The following FHIT variants were observed in gnomAD, a reference collection of about 807,000 sequenced individuals.
The protein encoded by FHIT is fragile histidine triad diadenosine triphosphatase, also known as bis(5'-adenosyl)-triphosphatase.
In FHIT, 19 loss-of-function variants were observed where a neutral mutation model predicts 17.9. That is an observed-to-expected ratio of 1.06 (90% CI 0.74 to 1.56). FHIT has a LOEUF of 1.56. Among genes scored for constraint, FHIT ranks in the 40% most tolerant of loss-of-function variants. The probability of loss-of-function intolerance (pLI) is 0.00; values close to 1 mark genes in which losing one functional copy is unlikely to be tolerated. For synonymous variants in FHIT, 81 were observed against 69.7 expected, an observed-to-expected ratio of 1.16 and a Z score of -0.81; for missense variants, 248 against 189.2, an observed-to-expected ratio of 1.31 and a Z score of -1.82.
At chr3:60,018,663 C>G (rs1335448702) in intron 5 of FHIT, among the ~76,000 whole-genome samples, 3 of 152,094 alleles carry the variant, frequency 2.0e-5, no homozygotes, top group African/African-American at 4.8e-5. Context: ...AATAAACTAC[C>G]CCAAATCATA....
At chr3:60,445,103 T>G (rs913265189) in intron 5 of FHIT, among the ~76,000 whole-genome samples, 4 of 152,068 alleles carry the variant, frequency 2.6e-5, no homozygotes, top group Admixed American at 2.6e-4. Context: ...CCATAAGTAC[T>G]CTAAAATATG....
chr3:60,990,470 T>C (rs1374206102), intron 3 of FHIT, among the ~76,000 whole-genome samples: 1 of 152,248 alleles, frequency 6.6e-6, no homozygotes, highest in East Asian at 1.9e-4. Context: ...TATGCTTTCC[T>C]TGTGACATTT....
intron 5 of FHIT, among the ~76,000 whole-genome samples, chr3:60,030,223 G>A (rs1416800970): frequency 6.6e-6 from 1 of 152,080 alleles, no homozygotes; most frequent in Non-Finnish European, 1.5e-5. Context: ...TCAATACCAT[G>A]CATGTTCTAT....
intron 8 of FHIT, among the ~76,000 whole-genome samples, chr3:59,834,912 A>T (rs1701288077): frequency 6.6e-6 from 1 of 152,170 alleles, no homozygotes; most frequent in African/African-American, 2.4e-5. Context: ...TTAAATAGTG[A>T]ATTTTCAACA....
intron 2 of FHIT, among the ~76,000 whole-genome samples, chr3:61,110,851 A>G (rs1339301094): frequency 6.6e-6 from 1 of 152,182 alleles, no homozygotes; most frequent in African/African-American, 2.4e-5. Flanking sequence ...TTACTCTTGA[A>G]AAAAAGCTAG....
chr3:60,455,652 T>C (rs965453945), intron 5 of FHIT, among the ~76,000 whole-genome samples: 2 of 152,142 alleles, frequency 1.3e-5, no homozygotes, highest in African/African-American at 4.8e-5. Flanking sequence ...TATAATATAC[T>C]AGATGCCCTT....
intron 4 of FHIT, among the ~76,000 whole-genome samples, chr3:60,667,930 C>A (rs1553692877): frequency 6.6e-6 from 1 of 151,932 alleles, no homozygotes; most frequent in Non-Finnish European, 1.5e-5. Context: ...AACAGATTTC[C>A]CCACACTGGG....
intron 8 of FHIT, among the ~76,000 whole-genome samples, chr3:59,881,491 C>G (rs1703408688): frequency 6.6e-6 from 1 of 152,114 alleles, no homozygotes; most frequent in South Asian, 2.1e-4. Flanking sequence ...CAGAGCATCA[C>G]AAGCCCCCTG....
At chr3:61,174,360 A>C (rs555597298) in intron 2 of FHIT, among the ~76,000 whole-genome samples, 22 of 152,250 alleles carry the variant, frequency 1.4e-4, no homozygotes, top group Non-Finnish European at 2.9e-4. Context: ...ATGCTGAGGA[A>C]AGAGACATTT....
chr3:59,761,164 A>T (rs767039369), intron 8 of FHIT, among the ~76,000 whole-genome samples: 37 of 152,192 alleles, frequency 2.4e-4, no homozygotes, highest in Non-Finnish European at 4.6e-4. Context: ...CGAAAATCCC[A>T]CTGTGGCAAG....
intron 5 of FHIT, among the ~76,000 whole-genome samples, chr3:60,108,020 A>G (rs1056125258): frequency 1.3e-5 from 2 of 152,300 alleles, no homozygotes; most frequent in African/African-American, 4.8e-5. Context: ...AAACCTCTTT[A>G]AACTTTTCTT....
chr3:60,117,653 G>A (rs1393310617), intron 5 of FHIT, among the ~76,000 whole-genome samples: 1 of 152,076 alleles, frequency 6.6e-6, no homozygotes, highest in Non-Finnish European at 1.5e-5. Flanking sequence ...CAAAGCAAAT[G>A]ATGAAGAACC....
At chr3:59,949,415 T>C (rs1707000330) in intron 7 of FHIT, among the ~76,000 whole-genome samples, 1 of 152,218 alleles carries the variant, frequency 6.6e-6, no homozygotes, top group Non-Finnish European at 1.5e-5. Flanking sequence ...TATCTGGCAT[T>C]CCACTAATGT....
chr3:60,766,125 T>G (rs1417523536), intron 4 of FHIT, among the ~76,000 whole-genome samples: 2 of 152,108 alleles, frequency 1.3e-5, no homozygotes, highest in Non-Finnish European at 2.9e-5. Context: ...CCTAATATAT[T>G]CCCTTATATA....
chr3:60,323,869 A>T (rs906389505), intron 5 of FHIT, among the ~76,000 whole-genome samples: 1 of 152,164 alleles, frequency 6.6e-6, no homozygotes, highest in Admixed American at 6.5e-5. Context: ...ACGCTTTGTT[A>T]TAAGGAAGAT....
chr3:61,028,517 T>C (rs2032850902), intron 3 of FHIT, among the ~76,000 whole-genome samples: 1 of 152,138 alleles, frequency 6.6e-6, no homozygotes, highest in African/African-American at 2.4e-5. Flanking sequence ...GAGAAACCTA[T>C]AAAGTATGGC....
intron 8 of FHIT, among the ~76,000 whole-genome samples, chr3:59,771,106 A>G (rs1002391415): frequency 3.3e-5 from 5 of 152,220 alleles, no homozygotes; most frequent in Admixed American, 2.0e-4. Flanking sequence ...GGGTGAGGGT[A>G]GCGGGATTAT....
rs571143282 is a variant in FHIT at position 60,516,038 on chromosome 3, G to A, written c.103+20822C>T. The stretch of plus-strand genomic sequence containing the variant: ...TAGTGGGGAAGGCGGGGAAGGCAGG[G>A]AAATCTGGAGCTGAGACAAAGGAGT... On this transcript the variant is annotated intron_variant, in intron 5 of 9. Coordinates refer to ENST00000492590, the MANE Select transcript of FHIT (RefSeq NM_002012.4). Among the ~76,000 whole-genome samples the A allele has an allele frequency of 2.0e-5, 3 of 152,260 alleles. No homozygotes were observed. The South Asian group carries it at 6.2e-4, about 32-fold the overall frequency.
At chr3:59,787,481 A>AACACACACAC (rs58100812) in intron 8 of FHIT, among the ~76,000 whole-genome samples, 150 of 142,490 alleles carry the variant, frequency 1.1e-3, no homozygotes, top group African/African-American at 2.9e-3. Context: ...CAAGGGGCAA[A>AACACACACAC]ACACACACAC....
Sources: gnomAD v4.1 joint callset for allele counts (sites outside exome capture counted in the v4.1 genomes callset) on GRCh38, gnomAD v4.1.1 for gene constraint, MANE v1.5 for transcripts, NCBI Gene and HGNC (gene_info 2026-07-23, HGNC 2026-07-21) for gene names.